The following KPNB1 variants were observed in gnomAD, a reference collection of about 807,000 sequenced individuals.
The protein encoded by KPNB1 is importin subunit beta-1.
A neutral mutation model predicts 113.0 loss-of-function variants in KPNB1; 7 were observed. That is an observed-to-expected ratio of 0.06 (90% CI 0.04 to 0.12). The LOEUF is 0.12. KPNB1 is among the 10% of genes least tolerant of loss of function. KPNB1 has a pLI of 1.00. For missense variants in KPNB1, 400 were observed against 1,054.8 expected, an observed-to-expected ratio of 0.38 and a Z score of 8.60; for synonymous variants, 363 against 378.6, an observed-to-expected ratio of 0.96 and a Z score of 0.48.
At chr17:47,651,648 T>C (rs1369252441) in intron 2 of KPNB1, among the ~76,000 whole-genome samples, 2 of 152,256 alleles carry the variant, frequency 1.3e-5, no homozygotes, top group African/African-American at 2.4e-5. Context: ...TTTTATCTTA[T>C]TCCTAACATT....
At chr17:47,674,847 A>G in intron 15 of KPNB1, 65 bp downstream of exon 15, 1 of 1,512,496 alleles carries the variant, frequency 6.6e-7, no homozygotes. Context: ...GTGGCCTTAA[A>G]TAATTGTCAC....
chr17:47,650,584 A>T (rs553005933), intron 2 of KPNB1, 140 bp downstream of exon 2: 10 of 591,734 alleles, frequency 1.7e-5, no homozygotes, highest in South Asian at 1.1e-4. Flanking sequence ...TCCCCCCCCA[A>T]CCCGGTCCAA....
intron 15 of KPNB1, among the ~76,000 whole-genome samples, chr17:47,676,077 A>C (rs902425095): frequency 6.6e-6 from 1 of 152,216 alleles, no homozygotes; most frequent in Non-Finnish European, 1.5e-5. Context: ...GGAGGTGGAC[A>C]AGAGTCAGTA....
At chr17:47,668,732 T>C (rs1006743904) in intron 10 of KPNB1, among the ~76,000 whole-genome samples, 3 of 152,210 alleles carry the variant, frequency 2.0e-5, no homozygotes, top group Admixed American at 6.5e-5. Flanking sequence ...CCTGTGCAGA[T>C]TGTTTTATAA....
chr17:47,675,376 T>G (rs1038128310), intron 15 of KPNB1, among the ~76,000 whole-genome samples: 25 of 119,064 alleles, frequency 2.1e-4, no homozygotes, highest in African/African-American at 7.4e-4. Context: ...TTTTTTGTTT[T>G]TTTTTTTTGT....
At chr17:47,666,565 TTA>T (rs1402431105) in intron 9 of KPNB1, among the ~76,000 whole-genome samples, 3 of 144,328 alleles carry the variant, frequency 2.1e-5, no homozygotes, top group African/African-American at 5.0e-5. Context: ...ATGTTATATG[TTA>T]TATATTTTAT....
chr17:47,666,839 G>T (rs181520338), intron 9 of KPNB1, among the ~76,000 whole-genome samples: 1 of 151,484 alleles, frequency 6.6e-6, no homozygotes, highest in East Asian at 2.0e-4. Flanking sequence ...GGATGATCTC[G>T]ATTTTTTGAC....
Position 47,670,678 on chromosome 17 carries a change from A to G in KPNB1, c.1417-24A>G. 3 of 1,589,282 alleles carry G rather than the reference A, an allele frequency of 1.9e-6. No homozygotes were observed. In the South Asian group the frequency reaches 3.3e-5, roughly 18 times the overall value. On this transcript the variant is annotated intron_variant, in intron 11 of 21. Transcript: ENST00000290158. ...AAGGTGTGGGGTTCTTTCAGGATTA[A>G]CATTGAACCTATGTGCATTTCAGGC... is the stretch of plus-strand genomic sequence containing the variant.
Position 47,663,083 on chromosome 17 carries a change from T to C in KPNB1, c.697-6T>C. ...AGTAAACTATCTGATCTGCTGTTCA[T>C]AAAAGGTACGAGTGGCTGCTTTACA... On this transcript the variant is annotated splice_region_variant and splice_polypyrimidine_tract_variant and intron_variant, in intron 6 of 21. Transcript: ENST00000290158. The C allele has an allele frequency of 6.6e-7, 1 of 1,522,068 alleles. No individual in the cohort carries two copies. Among genetic ancestry groups the C allele is most frequent in the Non-Finnish European group, 9.1e-7 (1 of 1,096,396 alleles). 94.3% of individuals were successfully genotyped at this position (1,522,068 alleles called of 1,614,324 possible). A position where few individuals can be genotyped will look rare whatever the true frequency, so the allele number is the denominator to read the frequency against.
chr17:47,663,995 AAAAAG>A (rs1357040277), intron 7 of KPNB1, among the ~76,000 whole-genome samples, 159 bp from the exon 8 acceptor site: 11 of 151,994 alleles, frequency 7.2e-5, no homozygotes, highest in African/African-American at 1.7e-4. Flanking sequence ...CAAAAAAAAA[AAAAAG>A]AAAAGAAAAT....
At chr17:47,654,415 TAAAAAAAAA>T (rs374274253) in intron 3 of KPNB1, among the ~76,000 whole-genome samples, 3 of 119,896 alleles carry the variant, frequency 2.5e-5, no homozygotes, top group African/African-American at 6.2e-5. Flanking sequence ...CTCCATTTCT[TAAAAAAAAA>T]AAAAAAAAAA....
At chr17:47,652,451 A>G (rs1263672337) in intron 2 of KPNB1, among the ~76,000 whole-genome samples, 1 of 152,146 alleles carries the variant, frequency 6.6e-6, no homozygotes, top group African/African-American at 2.4e-5. Context: ...GAAATCTGTA[A>G]TTCCTCATTA....
rs1273583816 is a variant in KPNB1 at position 47,684,860 on chromosome 17, C to G, written c.*2456C>G. On this transcript the variant is annotated 3_prime_UTR_variant, in exon 22 of 22. Coordinates refer to ENST00000290158, the MANE Select transcript of KPNB1 (RefSeq NM_002265.6). ...TCCTCTTTTCTAGTTAACCTTTTGCCAGTGGGTTTTCCATAGTCTGGGTAT... is the reference window on the plus strand; with the variant it reads ...TCCTCTTTTCTAGTTAACCTTTTGCGAGTGGGTTTTCCATAGTCTGGGTAT... The G allele has an allele frequency of 6.6e-6, 1 of 152,500 alleles. No individual in the cohort carries two copies. The highest frequency in any genetic ancestry group is 2.4e-5 in the African/African-American group (1 of 41,422). The allele number at this position is 152,500 out of a possible 1,614,324, so 9.4% of individuals were successfully genotyped here. A position where few individuals can be genotyped will look rare whatever the true frequency, so the allele number is the denominator to read the frequency against.
chr17:47,676,944 C>T, intron 16 of KPNB1, 76 bp from the exon 17 acceptor site: 1 of 1,091,512 alleles, frequency 9.2e-7, no homozygotes, highest in Non-Finnish European at 1.4e-6. Flanking sequence ...AAAAGCTCAG[C>T]AGCTAGTTAA....
chr17:47,680,009 CTCTT>C lies in KPNB1; in HGVS notation c.2354-9_2354-6del. 1 of 1,590,090 alleles carries C rather than the reference CTCTT, an allele frequency of 6.3e-7. No individual in the cohort carries two copies. The highest frequency in any genetic ancestry group is 8.6e-7 in the Non-Finnish European group (1 of 1,158,206). ...ACCGCACCCGACCAATACCTTCTCT[CTCTT>C]TTATAGCGGATGTGATGCTGGTACA... On this transcript the variant is annotated splice_region_variant and splice_polypyrimidine_tract_variant and intron_variant, in intron 19 of 21. Transcript: ENST00000290158.
rs868861415 is a variant in KPNB1 at position 47,672,421 on chromosome 17, G to A, written c.1548-597G>A. ...TGGGGTATTTTTTTTTTTCTGGGAC[G>A]GAGTTTCGGTCTTGTTGCTCAGGCT... On this transcript the variant is annotated intron_variant, in intron 12 of 21. Transcript: ENST00000290158. Among the ~76,000 whole-genome samples, 6 of 150,936 alleles carry A rather than the reference G, an allele frequency of 4.0e-5. No homozygotes were observed. In the East Asian group the frequency reaches 1.2e-3, roughly 29 times the overall value.
At chr17:47,651,599 T>C (rs1235475690) in intron 2 of KPNB1, among the ~76,000 whole-genome samples, 1 of 152,238 alleles carries the variant, frequency 6.6e-6, no homozygotes, top group African/African-American at 2.4e-5. Flanking sequence ...ATTTAGGGTA[T>C]TATTCCTGTT....
chr17:47,680,638 A>G lies in KPNB1; in HGVS notation c.2599A>G (p.Lys867Glu), dbSNP rs1285967931. The stretch of plus-strand genomic sequence containing the variant: ...AAAAACCCTTGCTACATGGGCAACA[A>G]AAGAACTGAGGAAACTGAAGAACCA... ...KAKTLATWAT[K>E]ELRKLKNQA The change falls in exon 21 of 22, where the codon AAA becomes GAA. Residue 867 changes from lysine to glutamate, a missense_variant. Transcript: ENST00000290158. 1 of 1,614,164 alleles carries G rather than the reference A, an allele frequency of 6.2e-7. No individual in the cohort carries two copies. The highest frequency in any genetic ancestry group is 8.5e-7 in the Non-Finnish European group (1 of 1,180,002).
chr17:47,658,381 C>G (rs531921243), intron 4 of KPNB1, 127 bp from the exon 5 acceptor site: 1 of 974,148 alleles, frequency 1.0e-6, no homozygotes, highest in African/African-American at 1.6e-5. Context: ...TGGTGCAGTA[C>G]AGATGCAACC....
Sources: allele counts gnomAD v4.1 joint callset (sites outside exome capture counted in the v4.1 genomes callset), GRCh38; gene constraint gnomAD v4.1.1; transcripts MANE v1.5; gene names NCBI Gene and HGNC (gene_info 2026-07-23, HGNC 2026-07-21).